The following CCDC152 variants were observed in gnomAD, a reference collection of about 807,000 sequenced individuals.
CCDC152 encodes coiled-coil domain containing 152.
A neutral mutation model predicts 38.1 loss-of-function variants in CCDC152; 37 were observed. That is an observed-to-expected ratio of 0.97 (90% CI 0.75 to 1.28). The LOEUF is 1.28. Ranked by LOEUF, CCDC152 falls within the 50% of genes most tolerant of loss-of-function variation. CCDC152 has a pLI of 0.00. For missense variants in CCDC152, 259 were observed against 292.1 expected (o/e 0.89, Z 0.83); for synonymous variants, 83 against 87.1 (o/e 0.95, Z 0.26).
chr5:42,786,924 C>T (rs1051361869), intron 6 of CCDC152, among the ~76,000 whole-genome samples: 1 of 151,788 alleles, frequency 6.6e-6, no homozygotes, highest in Non-Finnish European at 1.5e-5. Context: ...CAACCAGGAG[C>T]AAGTTGTTTG....
intron 4 of CCDC152, among the ~76,000 whole-genome samples, chr5:42,771,646 A>G (rs1387209216): frequency 6.6e-6 from 1 of 152,188 alleles, no homozygotes; most frequent in African/African-American, 2.4e-5. Flanking sequence ...GAGCAACTAT[A>G]TGCCACCAAA....
intron 3 of CCDC152, 128 bp from the exon 4 acceptor site, chr5:42,769,469 A>G (rs965505859): frequency 1.8e-6 from 2 of 1,097,262 alleles, no homozygotes; most frequent in African/African-American, 1.6e-5. Flanking sequence ...TCTTGAGTCA[A>G]TAGGACTACA....
chr5:42,787,366 G>T (rs1297705541), intron 6 of CCDC152, among the ~76,000 whole-genome samples: 1 of 151,652 alleles, frequency 6.6e-6, no homozygotes, highest in Non-Finnish European at 1.5e-5. Context: ...TTAAAATGTA[G>T]CTACCTCCTC....
intron 4 of CCDC152, among the ~76,000 whole-genome samples, chr5:42,774,701 G>A (rs1475375674): frequency 2.0e-5 from 3 of 152,156 alleles, no homozygotes; most frequent in Admixed American, 6.5e-5. Flanking sequence ...CACCTTAGGC[G>A]TTTTTACTGG....
intron 4 of CCDC152, among the ~76,000 whole-genome samples, chr5:42,772,195 C>A (rs1026605164): frequency 6.6e-6 from 1 of 151,992 alleles, no homozygotes; most frequent in Non-Finnish European, 1.5e-5. Flanking sequence ...TCAATAGATA[C>A]AGAAAAAACA....
chr5:42,783,391 A>T, intron 5 of CCDC152, 83 bp from the exon 6 acceptor site: 1 of 482,522 alleles, frequency 2.1e-6, no homozygotes. Flanking sequence ...AGTAATATGA[A>T]TGGAGAATTT....
chr5:42,783,830 T>C lies in CCDC152; in HGVS notation c.430+254T>C, dbSNP rs114913948. Among the ~76,000 whole-genome samples, 1,095 of 150,562 alleles carry C rather than the reference T, an allele frequency of 7.3e-3. 7 individuals carry two copies. Among genetic ancestry groups the C allele is most frequent in the Non-Finnish European group, 1.0e-2 (674 of 67,714 alleles). On this transcript the variant is annotated intron_variant, in intron 6 of 8. Transcript: ENST00000361970. Reference sequence around the variant, plus strand: ...CCATTGTTTAGCTCCCACTTATAAGTGAGTACATGCAGTATTTGACTTTCT... The same window carrying C: ...CCATTGTTTAGCTCCCACTTATAAGCGAGTACATGCAGTATTTGACTTTCT...
chr5:42,769,691 T>TA, intron 4 of CCDC152, 26 bp downstream of exon 4: 1 of 1,467,266 alleles, frequency 6.8e-7, no homozygotes, highest in Non-Finnish European at 9.0e-7. Context: ...AAGTAAAATC[T>TA]AAAAAAGCAT....
intron 4 of CCDC152, among the ~76,000 whole-genome samples, chr5:42,771,290 G>T (rs1759696116): frequency 6.6e-6 from 1 of 152,026 alleles, no homozygotes; most frequent in South Asian, 2.1e-4. Context: ...GAAGTTTATG[G>T]CTGTAAAGCC....
chr5:42,791,127 G>A (rs1759994325), intron 6 of CCDC152, among the ~76,000 whole-genome samples: 1 of 152,162 alleles, frequency 6.6e-6, no homozygotes, highest in Non-Finnish European at 1.5e-5. Context: ...ACTGAGAAAA[G>A]GATGATAATT....
intron 6 of CCDC152, among the ~76,000 whole-genome samples, chr5:42,793,402 G>T (rs772576034): frequency 6.6e-6 from 1 of 151,992 alleles, no homozygotes; most frequent in Non-Finnish European, 1.5e-5. Context: ...CAAACTATAC[G>T]CCTCAAAAGA....
intron 5 of CCDC152, among the ~76,000 whole-genome samples, chr5:42,780,794 G>A (rs115820618): frequency 0.012 from 1,835 of 152,224 alleles, 46 homozygotes; most frequent in African/African-American, 0.042. Context: ...GAGAGTAGAA[G>A]GATTTTGCAA....
intron 4 of CCDC152, among the ~76,000 whole-genome samples, chr5:42,774,060 A>G (rs1759735468): frequency 1.3e-5 from 2 of 152,222 alleles, no homozygotes; most frequent in Admixed American, 1.3e-4. Context: ...AAACTGAAAA[A>G]TCAACAATTC....
chr5:42,782,881 T>G (rs1032815480), intron 5 of CCDC152, among the ~76,000 whole-genome samples: 3 of 152,054 alleles, frequency 2.0e-5, no homozygotes, highest in Non-Finnish European at 2.9e-5. Context: ...TAAATTTTTT[T>G]TTTGAGACAG....
intron 2 of CCDC152, among the ~76,000 whole-genome samples, chr5:42,761,559 G>A (rs1390937555): frequency 6.6e-6 from 1 of 152,040 alleles, no homozygotes; most frequent in Non-Finnish European, 1.5e-5. Context: ...AGGTTGCAGT[G>A]AGCCAAGATT....
In CCDC152 at chr5:42,769,636, A is replaced by C. The variant is rs762943812; in HGVS notation, c.233A>C (p.Gln78Pro). The change falls in exon 4 of 9, where the codon CAG (glutamine) becomes CCG (proline). Residue 78 changes from glutamine to proline, a missense_variant. Gln to Pro is a moderately conservative substitution (Grantham distance 76). Coordinates refer to ENST00000361970, the MANE Select transcript of CCDC152 (RefSeq NM_001134848.2). Reference protein sequence around the residue: ...TLHNIIKGLQQTIEYQQNLKG... With the variant: ...TLHNIIKGLQPTIEYQQNLKG... ...CATAATATAATAAAAGGGCTACAAC[A>C]GACCATTGAATATCAACAGAATTTG... The C allele has an allele frequency of 1.3e-6, 2 of 1,486,060 alleles. No individual in the cohort carries two copies. Among genetic ancestry groups the C allele is most frequent in the Non-Finnish European group, 1.8e-6 (2 of 1,115,828 alleles). The allele number at this position is 1,486,060 out of a possible 1,614,324, so 92.1% of individuals were successfully genotyped here.
intron 5 of CCDC152, among the ~76,000 whole-genome samples, chr5:42,780,578 G>T (rs946975411): frequency 1.3e-5 from 2 of 152,098 alleles, no homozygotes; most frequent in African/African-American, 4.8e-5. Flanking sequence ...ATACTGCTTT[G>T]TTGAGAATAC....
At chr5:42,794,817 G>C (rs1210464049) in intron 6 of CCDC152, among the ~76,000 whole-genome samples, 1 of 152,174 alleles carries the variant, frequency 6.6e-6, no homozygotes, top group Non-Finnish European at 1.5e-5. Context: ...TGTCCATAAA[G>C]TGATAAAAGT....
Position 42,799,368 on chromosome 5 carries a change from G to T in CCDC152, c.559-7G>T, listed in dbSNP as rs1157257036. Reference sequence around the variant, plus strand: ...GTTTCAATAACTTTCTTTTCAATTTGATTCAGTTTGATGCCAAACTAGCAA... The same window carrying T: ...GTTTCAATAACTTTCTTTTCAATTTTATTCAGTTTGATGCCAAACTAGCAA... On this transcript the variant is annotated splice_polypyrimidine_tract_variant and splice_region_variant and intron_variant, in intron 7 of 8. Transcript: ENST00000361970. 6.9e-6 allele frequency: 10 copies of T among 1,451,188 alleles called. No homozygotes were observed. The East Asian group carries it at 2.5e-4, about 36-fold the overall frequency. The allele number at this position is 1,451,188 out of a possible 1,614,324, so 89.9% of individuals were successfully genotyped here.
Sources: allele counts gnomAD v4.1 joint callset (sites outside exome capture counted in the v4.1 genomes callset), GRCh38; gene constraint gnomAD v4.1.1; transcripts MANE v1.5; gene names NCBI Gene and HGNC (gene_info 2026-07-23, HGNC 2026-07-21).